The following SLC30A10 variants were observed in gnomAD, a reference collection of about 807,000 sequenced individuals.
SLC30A10 encodes the protein solute carrier family 30 member 10.
Under a neutral mutation model 21.7 loss-of-function variants are expected in SLC30A10, and 8 were observed. That is an observed-to-expected ratio of 0.37 (90% CI 0.22 to 0.67). The LOEUF is 0.67. SLC30A10 is among the 30% of genes least tolerant of loss of function. The probability of loss-of-function intolerance (pLI) is 0.58; values close to 1 mark genes in which losing one functional copy is unlikely to be tolerated. For missense variants in SLC30A10, 521 were observed against 642.5 expected (o/e 0.81, Z 2.04); for synonymous variants, 272 against 279.4 (o/e 0.97, Z 0.26).
chr1:219,926,916 C>G, intron 2 of SLC30A10, 112 bp downstream of exon 2: 1 of 777,408 alleles, frequency 1.3e-6, no homozygotes, highest in South Asian at 1.6e-5. Flanking sequence ...ATGCATGTAA[C>G]TGGCCTACTT....
At chr1:219,943,718 A>G (rs964382419) in intron 1 of SLC30A10, among the ~76,000 whole-genome samples, 2 of 152,234 alleles carry the variant, frequency 1.3e-5, no homozygotes, top group Non-Finnish European at 2.9e-5. Context: ...ACAAATAAAA[A>G]TACGGAAAGT....
In SLC30A10 at chr1:219,927,054, TTC is replaced by T; in HGVS notation, c.690_691del (p.Lys232ValfsTer2). On this transcript the variant is annotated frameshift_variant, in exon 2 of 4. Transcript: ENST00000366926. LOFTEE classifies it high-confidence loss of function. ...TCTGATATTCAGAGCTTCAGACTTT[TTC>T]TCTTTTTTCATCATGTCTTCTGGCT... 1 of 1,614,036 alleles carries T rather than the reference TTC, an allele frequency of 6.2e-7. No homozygotes were observed. The highest frequency in any genetic ancestry group is 8.5e-7 in the Non-Finnish European group (1 of 1,179,980).
At chr1:219,920,450 C>T (rs1234187109) in intron 2 of SLC30A10, among the ~76,000 whole-genome samples, 1 of 152,146 alleles carries the variant, frequency 6.6e-6, no homozygotes, top group African/African-American at 2.4e-5. Context: ...CTGATTGTCT[C>T]ATACATGTTA....
intron 1 of SLC30A10, 71 bp from the exon 2 acceptor site, chr1:219,927,176 A>G (rs1239701808): frequency 6.6e-7 from 1 of 1,513,972 alleles, no homozygotes; most frequent in Non-Finnish European, 9.1e-7. Context: ...CAATGGACTC[A>G]AAATAAAGTT....
chr1:219,945,764 A>G (rs1256988473), intron 1 of SLC30A10, among the ~76,000 whole-genome samples: 3 of 152,262 alleles, frequency 2.0e-5, no homozygotes, highest in Non-Finnish European at 4.4e-5. Flanking sequence ...AAGAGTCCAC[A>G]TATGGAAATA....
At chr1:219,935,191 T>C (rs138105225) in intron 1 of SLC30A10, among the ~76,000 whole-genome samples, 1 of 152,312 alleles carries the variant, frequency 6.6e-6, no homozygotes, top group African/African-American at 2.4e-5. Flanking sequence ...TTGATGTTGA[T>C]TCTAGACCTA....
Position 219,911,149 on chromosome 1 carries a change from G to GTTTTTTTTTTTTTTTTTTTTT in SLC30A10, c.*4279_*4299dup. Among the ~76,000 whole-genome samples the GTTTTTTTTTTTTTTTTTTTTT allele has an allele frequency of 2.2e-4, 11 of 49,418 alleles. No homozygotes were observed. Among genetic ancestry groups the GTTTTTTTTTTTTTTTTTTTTT allele is most frequent in the Non-Finnish European group, 4.0e-4 (9 of 22,432 alleles). The allele number at this position is 49,418 out of a possible 152,430, so 32.4% of individuals were successfully genotyped here. A position where few individuals can be genotyped will look rare whatever the true frequency, so the allele number is the denominator to read the frequency against. ...ATGTTTCTTCATTTTTTCTACATCA[G>GTTTTTTTTTTTTTTTTTTTTT]TTTTTTTTTTTTTTTTTTTTTTTTT... On this transcript the variant is annotated 3_prime_UTR_variant, in exon 4 of 4. Coordinates refer to ENST00000366926, the MANE Select transcript of SLC30A10 (RefSeq NM_018713.3).
At chr1:219,947,192 A>T (rs149960586) in intron 1 of SLC30A10, among the ~76,000 whole-genome samples, 1 of 152,262 alleles carries the variant, frequency 6.6e-6, no homozygotes, top group Admixed American at 6.5e-5. Flanking sequence ...ATTTTTAAAG[A>T]TCTCATGGCA....
At position 219,951,774 on chromosome 1, in the gene SLC30A10, C is replaced by T. The variant is rs185096960; in HGVS notation, n.80+6794G>A. Among the ~76,000 whole-genome samples, 4 of 152,046 alleles carry T rather than the reference C, an allele frequency of 2.6e-5. No homozygotes were observed. The East Asian group carries it at 7.7e-4, about 29-fold the overall frequency. On this transcript the variant is annotated intron_variant and non_coding_transcript_variant, in intron 1 of 8. Transcript: ENST00000484239. The stretch of plus-strand genomic sequence containing the variant: ...AAAGAAACAGGGACTTGGTCTGTCA[C>T]CCAGGTTGGAGTGTAATGGCATGCT...
chr1:219,949,134 T>C (rs796996444), intron 1 of SLC30A10, among the ~76,000 whole-genome samples: 3 of 152,164 alleles, frequency 2.0e-5, no homozygotes, highest in South Asian at 4.1e-4. Flanking sequence ...GATGTGGAGA[T>C]AGGAACACTT....
intron 1 of SLC30A10, among the ~76,000 whole-genome samples, chr1:219,945,662 C>T (rs899651797): frequency 1.4e-4 from 22 of 152,002 alleles, no homozygotes; most frequent in African/African-American, 5.1e-4. Flanking sequence ...CAGGGGAAAG[C>T]CAAAACTAGA....
At chr1:219,945,055 G>GA (rs1319066329) in intron 1 of SLC30A10, among the ~76,000 whole-genome samples, 2 of 151,896 alleles carry the variant, frequency 1.3e-5, no homozygotes, top group Non-Finnish European at 2.9e-5. Context: ...TATGCTGAAA[G>GA]AAAAAAAGCC....
At chr1:219,950,639 A>AAAAT (rs974778342) in intron 1 of SLC30A10, among the ~76,000 whole-genome samples, 41 of 151,898 alleles carry the variant, frequency 2.7e-4, no homozygotes, top group Admixed American at 1.1e-3. Flanking sequence ...ACTCTGTCTA[A>AAAAT]AAATAAATAA....
intron 1 of SLC30A10, among the ~76,000 whole-genome samples, chr1:219,939,503 G>A (rs897785841): frequency 5.3e-5 from 8 of 151,720 alleles, no homozygotes; most frequent in Non-Finnish European, 8.8e-5. Context: ...ATCTTGGATC[G>A]CTGCAACCTC....
At chr1:219,947,058 G>A (rs1388433650) in intron 1 of SLC30A10, among the ~76,000 whole-genome samples, 1 of 152,036 alleles carries the variant, frequency 6.6e-6, no homozygotes, top group African/African-American at 2.4e-5. Flanking sequence ...AAAACAGATG[G>A]TCCATTCAGC....
Position 219,918,453 on chromosome 1 carries a change from C to T in SLC30A10, c.760G>A (p.Val254Ile), listed in dbSNP as rs1276407103. The T allele has an allele frequency of 6.2e-7, 1 of 1,612,512 alleles. No homozygotes were observed. Among genetic ancestry groups the T allele is most frequent in the African/African-American group, 1.3e-5 (1 of 74,998 alleles). ...AATATGATGGCCGTGATGACCACAACCACGGACCCCAGGGCATCTCCCATC... is the reference window on the plus strand; with the variant it reads ...AATATGATGGCCGTGATGACCACAATCACGGACCCCAGGGCATCTCCCATC... ...HVMGDALGSV[V>I]VVITAIIFYV... The change falls in exon 3 of 4, where the codon GTT becomes ATT. Residue 254 changes from valine (V) to isoleucine (I), a missense_variant. By Grantham distance (29) the Val-to-Ile change is conservative. Coordinates refer to ENST00000366926, the MANE Select transcript of SLC30A10 (RefSeq NM_018713.3). This position sits in a 1 kb window ranked among gnomAD's most constrained non-coding sequence, Gnocchi z 4.4.
chr1:219,940,982 C>A (rs1339689503), intron 1 of SLC30A10, among the ~76,000 whole-genome samples: 1 of 152,138 alleles, frequency 6.6e-6, no homozygotes, highest in East Asian at 1.9e-4. Flanking sequence ...TAATAAATAT[C>A]TGACCCAGAA....
intron 2 of SLC30A10, among the ~76,000 whole-genome samples, chr1:219,922,177 T>TGTGTGTGTGTGTG (rs1194378922): frequency 0.013 from 393 of 29,364 alleles, 11 homozygotes; most frequent in South Asian, 0.025. Context: ...TGTGTGTGTG[T>TGTGTGTGTGTGTG]TTTTTTTTTT....
rs1553313728 is a variant in SLC30A10 at position 219,927,681 on chromosome 1, A to AAC, written c.640+119_640+120insGT. ...AAAAAAAAAAAAACAACAACAACAA[A>AAC]AAAAAAAAAACAGAAAAAAAGCATG... On this transcript the variant is annotated intron_variant, in intron 1 of 3. Transcript: ENST00000366926. 3.3e-4 allele frequency: 142 copies of AAC among 423,894 alleles called. 2 individuals carry two copies. The highest frequency in any genetic ancestry group is 2.0e-3 in the Admixed American group (22 of 10,824). The allele number at this position is 423,894 out of a possible 1,614,324, so 26.3% of individuals were successfully genotyped here.
Sources: gnomAD v4.1 joint callset for allele counts (sites outside exome capture counted in the v4.1 genomes callset) on GRCh38, gnomAD v4.1.1 for gene constraint, Gnocchi (gnomAD v3.1) non-coding constraint, MANE v1.5 for transcripts, NCBI Gene and HGNC (gene_info 2026-07-23, HGNC 2026-07-21) for gene names.